SLC16A1: variants seen among roughly 807,000 people sequenced by gnomAD.
The protein encoded by SLC16A1 is monocarboxylate transporter 1.
In SLC16A1, 11 loss-of-function variants were observed where a neutral mutation model predicts 32.2. The observed-to-expected ratio is 0.34, with a 90% CI of 0.21 to 0.56. SLC16A1 has a LOEUF of 0.56. SLC16A1 is among the 20% of genes least tolerant of loss of function. The pLI is 0.87. For synonymous variants in SLC16A1, 231 were observed against 226.8 expected (o/e 1.02, Z -0.17); for missense variants, 435 against 615.0 (o/e 0.71, Z 3.10).
At chr1:112,924,139 C>A (rs1648847891) in intron 2 of SLC16A1, 2 of 1,430,542 alleles carry the variant, frequency 1.4e-6, no homozygotes, top group Non-Finnish European at 2.0e-6. Context: ...CCCAGCATGA[C>A]CTCGGCTGCC....
rs1242199370 is a variant in SLC16A1 at position 112,912,522 on chromosome 1, T to A, written c.*1369A>T. 6.6e-6 allele frequency: 1 copy of A among 152,168 alleles called. No individual in the cohort carries two copies. Among genetic ancestry groups the A allele is most frequent in the Non-Finnish European group, 1.5e-5 (1 of 68,020 alleles). 9.4% of individuals were successfully genotyped at this position (152,168 alleles called of 1,614,324 possible). On this transcript the variant is annotated 3_prime_UTR_variant, in exon 5 of 5. Transcript: ENST00000369626. ...AAGTGATATTAGGTTAAAAAAATATTTACAGTTTTCATTCTGGTCCACCTT... is the reference window on the plus strand; with the variant it reads ...AAGTGATATTAGGTTAAAAAAATATATACAGTTTTCATTCTGGTCCACCTT...
intron 1 of SLC16A1, among the ~76,000 whole-genome samples, chr1:112,952,601 A>G (rs372156650): frequency 9.2e-5 from 14 of 152,274 alleles, no homozygotes; most frequent in Non-Finnish European, 2.1e-4. Context: ...CTATATTGAA[A>G]TAAAACAAAT....
chr1:112,927,119 CAA>C (rs761951516), intron 2 of SLC16A1, among the ~76,000 whole-genome samples: 985 of 57,532 alleles, frequency 0.017, 9 homozygotes, highest in African/African-American at 0.047. Context: ...GACCCTGTGT[CAA>C]AAAAAAAAAA....
Position 112,929,310 on chromosome 1 carries a change from T to C in SLC16A1, c.-2A>G. ...TGGACCTCCAACTGCTGGTGGCATT[T>C]TAAGTGTAGATAAATTCCAAAATGC... On this transcript the variant is annotated 5_prime_UTR_variant, in exon 2 of 5. Coordinates refer to ENST00000369626, the MANE Select transcript of SLC16A1 (RefSeq NM_003051.4). 6.2e-7 allele frequency: 1 copy of C among 1,613,480 alleles called. No individual in the cohort carries two copies. Among genetic ancestry groups the C allele is most frequent in the Non-Finnish European group, 8.5e-7 (1 of 1,179,812 alleles).
chr1:112,951,289 G>C (rs188970043), intron 1 of SLC16A1, among the ~76,000 whole-genome samples: 77 of 151,894 alleles, frequency 5.1e-4, no homozygotes, highest in Non-Finnish European at 1.0e-3. Context: ...GGCACCAACT[G>C]CATGTGGTAG....
intron 2 of SLC16A1, among the ~76,000 whole-genome samples, chr1:112,924,938 T>C (rs929458202): frequency 2.0e-5 from 3 of 152,146 alleles, no homozygotes; most frequent in African/African-American, 7.2e-5. Context: ...TCCATGCCTA[T>C]ATTATTAAGT....
At chr1:112,945,518 T>C (rs1176430320) in intron 1 of SLC16A1, among the ~76,000 whole-genome samples, 1 of 149,492 alleles carries the variant, frequency 6.7e-6, no homozygotes, top group Admixed American at 6.7e-5. Context: ...CTACTAAAAA[T>C]ATGAAAATTA....
At position 112,922,103 on chromosome 1, in the gene SLC16A1, T is replaced by C. The variant is rs1242772447; in HGVS notation, c.248A>G (p.Tyr83Cys). Residue 83 changes from tyrosine (Y) to cysteine (C), a missense_variant, in exon 3 of 5, where the codon TAT (tyrosine) becomes TGT (cysteine). Around this residue, in one of 2 missense-constraint regions of SLC16A1, gnomAD observed 324 missense variants for 500.3 expected, o/e 0.65. Transcript: ENST00000369626. ...GPISSILVNK[Y>C]GSRIVMIVGG... ...AACAATCATGACTATACGACTTCCA[T>C]ATTTATTCACCAGGATACTGCTGAT... The C allele has an allele frequency of 6.2e-7, 1 of 1,614,192 alleles. No individual in the cohort carries two copies.
chr1:112,948,271 A>G (rs1188291727), intron 1 of SLC16A1, among the ~76,000 whole-genome samples: 1 of 152,102 alleles, frequency 6.6e-6, no homozygotes, highest in Non-Finnish European at 1.5e-5. Flanking sequence ...TGATCTGAAG[A>G]GAAACCAGGG....
At chr1:112,950,601 A>G (rs1649858086) in intron 1 of SLC16A1, among the ~76,000 whole-genome samples, 1 of 152,220 alleles carries the variant, frequency 6.6e-6, no homozygotes, top group South Asian at 2.1e-4. Flanking sequence ...CTGCAGGACA[A>G]ATGGTCAGTG....
intron 1 of SLC16A1, among the ~76,000 whole-genome samples, chr1:112,930,787 A>G (rs575620026): frequency 6.6e-6 from 1 of 151,484 alleles, no homozygotes; most frequent in Admixed American, 6.6e-5. Flanking sequence ...TGCAATAGCA[A>G]GATCTTGGCT....
At position 112,917,674 on chromosome 1, in the gene SLC16A1, T is replaced by C; in HGVS notation, c.732A>G (p.Ser244=). Residue 244 remains serine (S), a synonymous_variant, in exon 4 of 5, where the codon TCA becomes TCG. Transcript: ENST00000369626. This position sits in a 1 kb window ranked among gnomAD's most constrained non-coding sequence, Gnocchi z 4.1. ...IGRHPKQEKR[S]VFQTINQFLD... ...GGAACTGATTAATTGTTTGGAAGAC[T>C]GATCGTTTCTCTTGTTTAGGGTGTC... The C allele has an allele frequency of 2.5e-6, 4 of 1,614,236 alleles. No individual in the cohort carries two copies. Among genetic ancestry groups the C allele is most frequent in the South Asian group, 1.1e-5 (1 of 91,086 alleles).
intron 2 of SLC16A1, among the ~76,000 whole-genome samples, chr1:112,923,260 G>GCT (rs1557846753): frequency 0.033 from 1,280 of 39,112 alleles, 21 homozygotes; most frequent in African/African-American, 0.21. Flanking sequence ...TGGAGGTTGC[G>GCT]GTGAGCCATT....
Position 112,913,657 on chromosome 1 carries a change from AAAAC to A in SLC16A1, c.*230_*233del. ...CACTATTAAAAGCTAAGATTAAAAC[AAAAC>A]AAAACAGAACCTACTTCTTTCCCCC... is the stretch of plus-strand genomic sequence containing the variant. On this transcript the variant is annotated 3_prime_UTR_variant, in exon 5 of 5. Coordinates refer to ENST00000369626, the MANE Select transcript of SLC16A1 (RefSeq NM_003051.4). 1 of 572,592 alleles carries A rather than the reference AAAAC, an allele frequency of 1.7e-6. No homozygotes were observed. The highest frequency in any genetic ancestry group is 3.1e-6 in the Non-Finnish European group (1 of 321,016). The allele number at this position is 572,592 out of a possible 1,614,324, so 35.5% of individuals were successfully genotyped here.
chr1:112,916,496 T>TAAAAAAAA (rs570173297), intron 4 of SLC16A1, among the ~76,000 whole-genome samples: 9 of 61,202 alleles, frequency 1.5e-4, no homozygotes, highest in African/African-American at 5.7e-4. Context: ...AAGACTGTCT[T>TAAAAAAAA]AAAAAAAAAA....
At chr1:112,927,986 A>G (rs1427101310) in intron 2 of SLC16A1, among the ~76,000 whole-genome samples, 1 of 152,200 alleles carries the variant, frequency 6.6e-6, no homozygotes, top group Non-Finnish European at 1.5e-5. Flanking sequence ...CAAAGCCTAC[A>G]AAATTATTGG....
rs750062282 is a variant in SLC16A1 at position 112,922,004 on chromosome 1, A to G, written c.347T>C (p.Ile116Thr). ...CNTVQQLYVCIGVIGGLGLAF... is the reference protein window; with the variant it reads ...CNTVQQLYVCTGVIGGLGLAF... The stretch of plus-strand genomic sequence containing the variant: ...TAGTAACTCACCTCCAATGACTCCA[A>G]TACAGACGTATAGTTGCTGTACGGT... The change falls in exon 3 of 5, where the codon ATT becomes ACT. Residue 116 changes from isoleucine (I) to threonine (T), a missense_variant. Physicochemically the swap from Ile to Thr is moderately conservative, Grantham distance 89. Around this residue, in one of 2 missense-constraint regions of SLC16A1, gnomAD observed 324 missense variants for 500.3 expected, o/e 0.65. Coordinates refer to ENST00000369626, the MANE Select transcript of SLC16A1 (RefSeq NM_003051.4). 6.2e-7 allele frequency: 1 copy of G among 1,614,204 alleles called. No homozygotes were observed. Among genetic ancestry groups the G allele is most frequent in the Non-Finnish European group, 8.5e-7 (1 of 1,180,038 alleles).
Position 112,930,939 on chromosome 1 carries a change from G to A in SLC16A1, c.-44-1587C>T, listed in dbSNP as rs1010270459. 9.9e-5 allele frequency among the ~76,000 whole-genome samples: 15 copies of A among 152,104 alleles called. No individual in the cohort carries two copies. In the South Asian group the frequency reaches 1.2e-3, roughly 13 times the overall value. On this transcript the variant is annotated intron_variant, in intron 1 of 4. Coordinates refer to ENST00000369626, the MANE Select transcript of SLC16A1 (RefSeq NM_003051.4). ...TGGCCATGTTGGCCAGGCTGGTCTCGAACTCCTGACCTCAGGTGATCCACC... is the reference window on the plus strand; with the variant it reads ...TGGCCATGTTGGCCAGGCTGGTCTCAAACTCCTGACCTCAGGTGATCCACC...
chr1:112,928,873 C>T (rs1335662832), intron 2 of SLC16A1, among the ~76,000 whole-genome samples: 1 of 152,178 alleles, frequency 6.6e-6, no homozygotes, highest in Non-Finnish European at 1.5e-5. Flanking sequence ...AGGTCCCTCA[C>T]AATTTTCTCA....
Sources: allele counts gnomAD v4.1 joint callset (sites outside exome capture counted in the v4.1 genomes callset), GRCh38; gene constraint gnomAD v4.1.1; regional missense constraint gnomAD v4.1.1; non-coding constraint Gnocchi (gnomAD v3.1); transcripts MANE v1.5; gene names NCBI Gene and HGNC (gene_info 2026-07-23, HGNC 2026-07-21).